Variants in CACNB2 observed in about 807,000 individuals in gnomAD.
CACNB2 encodes the protein calcium voltage-gated channel auxiliary subunit beta 2, also known as voltage-dependent L-type calcium channel subunit beta-2.
A neutral mutation model predicts 73.3 loss-of-function variants in CACNB2; 42 were observed. The ratio of observed to expected loss-of-function variants is 0.57; its 90% CI spans 0.45 to 0.74. The LOEUF is 0.74. CACNB2 is among the 30% of genes least tolerant of loss of function. CACNB2 has a pLI of 0.00. For missense variants in CACNB2, 940 were observed against 853.0 expected (o/e 1.10, Z -1.27); for synonymous variants, 348 against 310.3 (o/e 1.12, Z -1.28).
At chr10:18,266,866 G>T (rs2037828580) in intron 2 of CACNB2, among the ~76,000 whole-genome samples, 1 of 152,134 alleles carries the variant, frequency 6.6e-6, no homozygotes, top group South Asian at 2.1e-4. Context: ...CTCCAGCCTG[G>T]GAGACAGACG....
At chr10:18,177,345 C>T (rs2033653447) in intron 2 of CACNB2, among the ~76,000 whole-genome samples, 1 of 151,682 alleles carries the variant, frequency 6.6e-6, no homozygotes, top group African/African-American at 2.4e-5. Context: ...AGAGGCTGGG[C>T]ACAGTGGCTC....
At chr10:18,453,148 C>T (rs1193217450) in intron 3 of CACNB2, among the ~76,000 whole-genome samples, 1 of 152,150 alleles carries the variant, frequency 6.6e-6, no homozygotes, top group Non-Finnish European at 1.5e-5. Flanking sequence ...TTAGAACAGC[C>T]TTTTGACCTG....
At chr10:18,494,191 C>A (rs950507508) in intron 3 of CACNB2, among the ~76,000 whole-genome samples, 3 of 152,152 alleles carry the variant, frequency 2.0e-5, no homozygotes, top group African/African-American at 7.2e-5. Flanking sequence ...CTTTCTGCTA[C>A]TCAGATGATT....
intron 2 of CACNB2, among the ~76,000 whole-genome samples, chr10:18,190,061 A>G (rs962787827): frequency 6.6e-6 from 1 of 152,188 alleles, no homozygotes; most frequent in African/African-American, 2.4e-5. Flanking sequence ...GGGATGTGCT[A>G]TGGACAAAGA....
In CACNB2 at chr10:18,259,570, A is replaced by AAAC. The variant is rs2037439338; in HGVS notation, c.213+108597_213+108598insCAA. 7.6e-4 allele frequency among the ~76,000 whole-genome samples: 89 copies of AAAC among 116,906 alleles called. 6 individuals carry two copies. Among genetic ancestry groups the AAAC allele is most frequent in the Middle Eastern group, 4.7e-3 (1 of 214 alleles). The allele number at this position is 116,906 out of a possible 152,430, so 76.7% of individuals were successfully genotyped here. On this transcript the variant is annotated intron_variant, in intron 2 of 13. Coordinates refer to ENST00000324631, the MANE Select transcript of CACNB2 (RefSeq NM_201596.3). Reference sequence around the variant, plus strand: ...AAAAAAAACAAAAAACAAACAAAAAAAAAAAGTAAAAGTAGCCAGGCATGG... The same window carrying AAAC: ...AAAAAAAACAAAAAACAAACAAAAAAAACAAAAAGTAAAAGTAGCCAGGCATGG...
intron 3 of CACNB2, among the ~76,000 whole-genome samples, chr10:18,426,130 A>G (rs563847334): frequency 1.3e-5 from 2 of 152,360 alleles, no homozygotes; most frequent in African/African-American, 4.8e-5. Flanking sequence ...ACAAAAAAAG[A>G]AAAAGAAAAA....
chr10:18,160,818 G>A (rs1449557793), intron 2 of CACNB2, among the ~76,000 whole-genome samples: 1 of 152,042 alleles, frequency 6.6e-6, no homozygotes, highest in Admixed American at 6.6e-5. Context: ...TTTGTTTCTG[G>A]AATCTTCACA....
chr10:18,356,493 G>C (rs1050172696), intron 2 of CACNB2, among the ~76,000 whole-genome samples: 1 of 152,072 alleles, frequency 6.6e-6, no homozygotes, highest in African/African-American at 2.4e-5. Context: ...CATCTCTGTG[G>C]TTCTGCAGAA....
intron 3 of CACNB2, among the ~76,000 whole-genome samples, chr10:18,442,286 A>T (rs1167199953): frequency 6.6e-6 from 1 of 151,866 alleles, no homozygotes; most frequent in East Asian, 2.0e-4. Context: ...GGTACCTGGG[A>T]TTACAGGTGC....
chr10:18,332,779 A>G (rs1369126693), intron 2 of CACNB2, among the ~76,000 whole-genome samples: 1 of 152,220 alleles, frequency 6.6e-6, no homozygotes, highest in Non-Finnish European at 1.5e-5. Flanking sequence ...GAAACATTAT[A>G]CATAATACAT....
At position 18,264,268 on chromosome 10, in the gene CACNB2, A is replaced by G. The variant is rs540083959; in HGVS notation, c.213+113293A>G. 1.4e-3 allele frequency among the ~76,000 whole-genome samples: 212 copies of G among 152,370 alleles called. 1 individual carries two copies. Among genetic ancestry groups the G allele is most frequent in the African/African-American group, 4.6e-3 (192 of 41,594 alleles). On this transcript the variant is annotated intron_variant, in intron 2 of 13. Coordinates refer to ENST00000324631, the MANE Select transcript of CACNB2 (RefSeq NM_201596.3). ...CAGGTATGCAATGCATAATAATCTC[A>G]TCATGGAAAATTGGGTATCCATCCC...
At chr10:18,468,111 T>A (rs1196519055) in intron 3 of CACNB2, among the ~76,000 whole-genome samples, 1 of 152,134 alleles carries the variant, frequency 6.6e-6, no homozygotes, top group Non-Finnish European at 1.5e-5. Flanking sequence ...GGAAAGTAAG[T>A]AGCCTGTAGA....
intron 3 of CACNB2, among the ~76,000 whole-genome samples, chr10:18,482,504 G>T (rs2048832449): frequency 6.6e-6 from 1 of 151,926 alleles, no homozygotes; most frequent in South Asian, 2.1e-4. Context: ...GTTTTTTTCT[G>T]TTTTTTGTTT....
At chr10:18,523,891 T>A (rs2052174361) in intron 9 of CACNB2, among the ~76,000 whole-genome samples, 1 of 152,262 alleles carries the variant, frequency 6.6e-6, no homozygotes, top group South Asian at 2.1e-4. Context: ...ATGTTAGTTA[T>A]GCGAAAGGTT....
chr10:18,150,832 G>A, intron 1 of CACNB2, 51 bp from the exon 2 acceptor site: 1 of 1,113,656 alleles, frequency 9.0e-7, no homozygotes, highest in Non-Finnish European at 1.2e-6. Flanking sequence ...CCTGTTAAAG[G>A]GTCTCATAAT....
At chr10:18,384,601 A>G (rs1182201214) in intron 2 of CACNB2, among the ~76,000 whole-genome samples, 3 of 151,952 alleles carry the variant, frequency 2.0e-5, no homozygotes, top group East Asian at 1.9e-4. Context: ...GTGATGGTGC[A>G]CATTTGCAAT....
intron 10 of CACNB2, among the ~76,000 whole-genome samples, chr10:18,532,675 T>TAAAAA (rs2053153018): frequency 2.2e-5 from 1 of 46,490 alleles, no homozygotes; most frequent in African/African-American, 8.0e-5. Context: ...AGACTCTGTC[T>TAAAAA]CAAAAAAAAA....
At chr10:18,358,218 C>A (rs548135240) in intron 2 of CACNB2, among the ~76,000 whole-genome samples, 2 of 152,260 alleles carry the variant, frequency 1.3e-5, no homozygotes, top group African/African-American at 4.8e-5. Context: ...TCCTGAGGAG[C>A]TGGTACCACA....
chr10:18,279,014 C>T (rs2038422560), intron 2 of CACNB2, among the ~76,000 whole-genome samples: 1 of 151,860 alleles, frequency 6.6e-6, no homozygotes, highest in Non-Finnish European at 1.5e-5. Flanking sequence ...GAGATCCTGT[C>T]TTACAAAAAA....
Sources: allele counts gnomAD v4.1 joint callset (sites outside exome capture counted in the v4.1 genomes callset), GRCh38; gene constraint gnomAD v4.1.1; transcripts MANE v1.5; gene names NCBI Gene and HGNC (gene_info 2026-07-23, HGNC 2026-07-21).